The following RFESD variants were observed in gnomAD, a reference collection of about 807,000 sequenced individuals.
The protein encoded by RFESD is Rieske Fe-S domain containing, also known as Rieske domain-containing protein.
A neutral mutation model predicts 24.4 loss-of-function variants in RFESD; 16 were observed. The observed-to-expected ratio is 0.66, with a 90% CI of 0.44 to 1.00. RFESD has a LOEUF of 1.00. Ranked by LOEUF, RFESD falls within the 50% of genes least tolerant of loss-of-function variation. The pLI, the probability that RFESD is intolerant of heterozygous loss-of-function variation, is 0.00. For synonymous variants in RFESD, 59 were observed against 81.8 expected (o/e 0.72, Z 1.50); for missense variants, 208 against 247.0 (o/e 0.84, Z 1.06).
chr5:95,655,965 G>A (rs1750730209), intron 5 of RFESD, 81 bp from the exon 6 acceptor site: 3 of 1,338,792 alleles, frequency 2.2e-6, no homozygotes, highest in East Asian at 2.3e-5. Flanking sequence ...TTTTAACCTG[G>A]TTCTTCTGCA....
chr5:95,656,058 C>T lies in RFESD; in HGVS notation c.382C>T (p.Arg128Ter), dbSNP rs750397884. Residue 128 changes from arginine (R) to a stop codon, truncating the protein, a stop_gained, in exon 6 of 6, where the codon CGA (arginine) becomes TGA (stop). Coordinates refer to ENST00000380005, the MANE Select transcript of RFESD (RefSeq NM_001131066.2). LOFTEE classifies it high-confidence loss of function. ...HLGDIEDFDG[R>*]PCIVCPWHKY... ...TTCTCTTCCCCAGGATTTTGATGGA[C>T]GACCGTGTATAGTTTGCCCCTGGCA... 133 of 1,612,292 alleles carry T rather than the reference C, an allele frequency of 8.2e-5. No homozygotes were observed. The highest frequency in any genetic ancestry group is 3.1e-4 in the South Asian group (28 of 90,778).
In RFESD at chr5:95,657,676, A is replaced by T. The variant is rs1269329905; in HGVS notation, c.*1367A>T. 1 of 152,128 alleles carries T rather than the reference A, an allele frequency of 6.6e-6. No individual in the cohort carries two copies. The highest frequency in any genetic ancestry group is 1.5e-5 in the Non-Finnish European group (1 of 68,006). 9.4% of individuals were successfully genotyped at this position (152,128 alleles called of 1,614,324 possible). Reference sequence around the variant, plus strand: ...ACTTACCTTTACTACATATTATTACACTTCCTTTTCTGTTGGAGTTTGGAT... The same window carrying T: ...ACTTACCTTTACTACATATTATTACTCTTCCTTTTCTGTTGGAGTTTGGAT... On this transcript the variant is annotated 3_prime_UTR_variant, in exon 6 of 6. Coordinates refer to ENST00000380005, the MANE Select transcript of RFESD (RefSeq NM_001131066.2).
At chr5:95,650,432 C>T (rs1180254451) in intron 1 of RFESD, among the ~76,000 whole-genome samples, 2 of 152,184 alleles carry the variant, frequency 1.3e-5, no homozygotes, top group Non-Finnish European at 2.9e-5. Context: ...GGAGCCCAGC[C>T]TTACAATGAT....
At chr5:95,652,496 C>A in intron 2 of RFESD, 165 bp downstream of exon 2, 1 of 865,550 alleles carries the variant, frequency 1.2e-6, no homozygotes, top group Non-Finnish European at 1.6e-6. Flanking sequence ...CTTGATTTTC[C>A]ATTCTGCAAA....
At chr5:95,655,039 C>T (rs570817126) in intron 5 of RFESD, among the ~76,000 whole-genome samples, 21 of 152,158 alleles carry the variant, frequency 1.4e-4, no homozygotes, top group African/African-American at 3.1e-4. Flanking sequence ...CTTGTTTCTT[C>T]ATGAAATTGG....
chr5:95,655,103 T>C (rs1750660969), intron 5 of RFESD, among the ~76,000 whole-genome samples: 1 of 152,040 alleles, frequency 6.6e-6, no homozygotes, highest in Admixed American at 6.6e-5. Flanking sequence ...CATTCCACTC[T>C]CTCTACACTT....
rs533814354 is a variant in RFESD at position 95,649,969 on chromosome 5, G to A, written c.-135-2168G>A. On this transcript the variant is annotated intron_variant, in intron 1 of 5. Transcript: ENST00000380005. ...TTACCCCTCTGTTCTGTCACAAAATGTGATGAAGGCTGCATGCCCAACTCT... is the reference window on the plus strand; with the variant it reads ...TTACCCCTCTGTTCTGTCACAAAATATGATGAAGGCTGCATGCCCAACTCT... Among the ~76,000 whole-genome samples the A allele has an allele frequency of 2.0e-5, 3 of 152,084 alleles. No individual in the cohort carries two copies. The East Asian group carries it at 5.8e-4, about 29-fold the overall frequency.
At position 95,657,985 on chromosome 5, in the gene RFESD, G is replaced by A. The variant is rs959576394; in HGVS notation, c.*1676G>A. On this transcript the variant is annotated 3_prime_UTR_variant, in exon 6 of 6. Coordinates refer to ENST00000380005, the MANE Select transcript of RFESD (RefSeq NM_001131066.2). ...ATAATTACAGAAATATTTTCTCATA[G>A]GAGCCACTGGCAATAATGAGTAGTG... 1.3e-5 allele frequency: 2 copies of A among 152,098 alleles called. No homozygotes were observed. The highest frequency in any genetic ancestry group is 2.9e-5 in the Non-Finnish European group (2 of 68,008). 9.4% of individuals were successfully genotyped at this position (152,098 alleles called of 1,614,324 possible).
At chr5:95,648,338 AGCC>A (rs1750185755) in intron 1 of RFESD, among the ~76,000 whole-genome samples, 1 of 152,240 alleles carries the variant, frequency 6.6e-6, no homozygotes, top group African/African-American at 2.4e-5. Flanking sequence ...GTTTTCAACT[AGCC>A]GTCAAACTGT....
rs1268792196 is a variant in RFESD at position 95,656,510 on chromosome 5, A to G, written c.*201A>G. The G allele has an allele frequency of 2.0e-6, 1 of 501,830 alleles. No individual in the cohort carries two copies. The allele number at this position is 501,830 out of a possible 1,614,324, so 31.1% of individuals were successfully genotyped here. A position where few individuals can be genotyped will look rare whatever the true frequency, so the allele number is the denominator to read the frequency against. On this transcript the variant is annotated 3_prime_UTR_variant, in exon 6 of 6. Transcript: ENST00000380005. ...AGGATCAATAGAATACATTTTATCG[A>G]ATCTTCTGGATTAATTAGAAACCTG... is the stretch of plus-strand genomic sequence containing the variant.
chr5:95,652,398 G>T, intron 2 of RFESD, 67 bp downstream of exon 2: 3 of 1,532,348 alleles, frequency 2.0e-6, no homozygotes, highest in Non-Finnish European at 2.6e-6. Context: ...CTCGACTTTA[G>T]TCTCATATAT....
intron 2 of RFESD, chr5:95,652,844 C>T (rs1239355683): frequency 1.2e-5 from 5 of 405,348 alleles, no homozygotes; most frequent in African/African-American, 2.1e-5. Flanking sequence ...TCATGGACCC[C>T]TAGCTTTCTG....
At position 95,654,111 on chromosome 5, in the gene RFESD, C is replaced by CTG; in HGVS notation, c.218_219dup (p.Gly74TrpfsTer13). Reference sequence around the variant, plus strand: ...GATCCTGAAAAGAGGGAATATTCTTCTGTGTGTGTGGGCAGAGAAGATGAC... The same window carrying CTG: ...GATCCTGAAAAGAGGGAATATTCTTCTGTGTGTGTGTGGGCAGAGAAGATGAC... On this transcript the variant is annotated frameshift_variant, in exon 4 of 6. Coordinates refer to ENST00000380005, the MANE Select transcript of RFESD (RefSeq NM_001131066.2). LOFTEE classifies it high-confidence loss of function. 6.2e-7 allele frequency: 1 copy of CTG among 1,611,830 alleles called. No homozygotes were observed.
intron 1 of RFESD, among the ~76,000 whole-genome samples, chr5:95,649,996 A>G (rs1750241099): frequency 6.6e-6 from 1 of 152,176 alleles, no homozygotes; most frequent in Admixed American, 6.5e-5. Context: ...CCCAACTCTG[A>G]AGGCAAATAC....
chr5:95,652,030 T>C (rs1177851573), intron 1 of RFESD, 107 bp from the exon 2 acceptor site: 18 of 389,012 alleles, frequency 4.6e-5, no homozygotes, highest in African/African-American at 3.3e-4. Flanking sequence ...TTCAGGACAG[T>C]TTCCTAAGAA....
In RFESD at chr5:95,650,970, C is replaced by T. The variant is rs183309867; in HGVS notation, c.-135-1167C>T. On this transcript the variant is annotated intron_variant, in intron 1 of 5. Coordinates refer to ENST00000380005, the MANE Select transcript of RFESD (RefSeq NM_001131066.2). ...AAAATTATCCGGGTGTGGTGGCGGG[C>T]GCCTGTAGTCCCAGCTACTTGGGAA... 5.0e-3 allele frequency among the ~76,000 whole-genome samples: 755 copies of T among 151,948 alleles called. 8 individuals are homozygous for T. Among genetic ancestry groups the T allele is most frequent in the African/African-American group, 0.017 (700 of 41,424 alleles).
chr5:95,653,497 C>T (rs1750489417), intron 3 of RFESD, among the ~76,000 whole-genome samples: 1 of 152,190 alleles, frequency 6.6e-6, no homozygotes, highest in African/African-American at 2.4e-5. Flanking sequence ...CCTTCTTGAC[C>T]TTGAAATGAA....
At chr5:95,652,809 C>T in intron 2 of RFESD, 1 of 346,280 alleles carries the variant, frequency 2.9e-6, no homozygotes, top group South Asian at 5.7e-5. Context: ...CAGCATCAAC[C>T]CCCTGCGGCA....
chr5:95,656,592 A>C lies in RFESD; in HGVS notation c.*283A>C. 1 of 214,694 alleles carries C rather than the reference A, an allele frequency of 4.7e-6. No individual in the cohort carries two copies. The highest frequency in any genetic ancestry group is 9.1e-6 in the Non-Finnish European group (1 of 110,124). The allele number at this position is 214,694 out of a possible 1,614,324, so 13.3% of individuals were successfully genotyped here. A position where few individuals can be genotyped will look rare whatever the true frequency, so the allele number is the denominator to read the frequency against. On this transcript the variant is annotated 3_prime_UTR_variant, in exon 6 of 6. Coordinates refer to ENST00000380005, the MANE Select transcript of RFESD (RefSeq NM_001131066.2). Reference sequence around the variant, plus strand: ...AAGGATAAAAATAAATTTGGAGTAAACAAATAATAGGTAAAAATTAAGGAT... The same window carrying C: ...AAGGATAAAAATAAATTTGGAGTAACCAAATAATAGGTAAAAATTAAGGAT...
Sources: gnomAD v4.1 joint callset for allele counts (sites outside exome capture counted in the v4.1 genomes callset) on GRCh38, gnomAD v4.1.1 for gene constraint, MANE v1.5 for transcripts, NCBI Gene and HGNC (gene_info 2026-07-23, HGNC 2026-07-21) for gene names.